Variants in SPTB observed in about 807,000 individuals in gnomAD.
The protein encoded by SPTB is spectrin beta, erythrocytic.
In SPTB, 45 loss-of-function variants were observed where a neutral mutation model predicts 256.2. That is an observed-to-expected ratio of 0.18 (90% CI 0.14 to 0.23). The LOEUF (loss-of-function observed/expected upper bound fraction) is 0.23. Among genes scored for constraint, SPTB ranks in the 10% least tolerant of loss-of-function variants. The probability of loss-of-function intolerance (pLI) is 1.00; values close to 1 mark genes in which losing one functional copy is unlikely to be tolerated. For synonymous variants in SPTB, 1,231 were observed against 1,243.1 expected, an observed-to-expected ratio of 0.99 and a Z score of 0.21; for missense variants, 2,715 against 3,040.4, an observed-to-expected ratio of 0.89 and a Z score of 2.52.
chr14:64,753,946 C>T, intron 32 of SPTB, 153 bp from the exon 33 acceptor site: 4 of 976,224 alleles, frequency 4.1e-6, no homozygotes, highest in Non-Finnish European at 6.3e-6. Flanking sequence ...CTGGCTCTCC[C>T]ACAACCTGCT....
At chr14:64,874,448 TC>T (rs1293361510) in intron 1 of SPTB, among the ~76,000 whole-genome samples, 1 of 152,246 alleles carries the variant, frequency 6.6e-6, no homozygotes, top group Non-Finnish European at 1.5e-5. Context: ...CAATGTCTGC[TC>T]TTTTTGAATA....
At chr14:64,839,889 T>G (rs1307436076) in intron 1 of SPTB, among the ~76,000 whole-genome samples, 1 of 152,158 alleles carries the variant, frequency 6.6e-6, no homozygotes, top group Non-Finnish European at 1.5e-5. Flanking sequence ...GCAGAGAGAA[T>G]ACTTTAAGCT....
At chr14:64,834,477 G>C (rs2083491573) in intron 1 of SPTB, among the ~76,000 whole-genome samples, 1 of 151,324 alleles carries the variant, frequency 6.6e-6, no homozygotes, top group Admixed American at 6.6e-5. Context: ...CCGGGCTGGA[G>C]TGCAGTGGCA....
At chr14:64,854,147 G>A (rs113868539) in intron 1 of SPTB, among the ~76,000 whole-genome samples, 5,047 of 151,582 alleles carry the variant, frequency 0.033, 122 homozygotes, top group South Asian at 0.12. Flanking sequence ...AGCCAAGATC[G>A]TGCCACTGCA....
chr14:64,751,266 C>A (rs1231910058), intron 33 of SPTB, among the ~76,000 whole-genome samples: 5 of 151,804 alleles, frequency 3.3e-5, no homozygotes, highest in Non-Finnish European at 7.4e-5. Flanking sequence ...ACTACAGGCG[C>A]AAGCCACCAC....
intron 20 of SPTB, among the ~76,000 whole-genome samples, chr14:64,780,688 C>T (rs968851403): frequency 1.3e-5 from 2 of 152,232 alleles, no homozygotes; most frequent in African/African-American, 4.8e-5. Context: ...GCTGGGATTA[C>T]AGGCATGAGC....
chr14:64,772,666 C>T lies in SPTB; in HGVS notation c.5467G>A (p.Asp1823Asn), dbSNP rs200508249. The change falls in exon 26 of 36, where the codon GAC (aspartate) becomes AAC (asparagine). Residue 1823 changes from aspartate to asparagine, a missense_variant. Around this residue, in one of 4 missense-constraint regions of SPTB, gnomAD observed 2,239 missense variants for 2,384.4 expected, o/e 0.94. Coordinates refer to ENST00000644917, the MANE Select transcript of SPTB (RefSeq NM_001355436.2). This position sits in a 1 kb window ranked among gnomAD's most constrained non-coding sequence, Gnocchi z 5.4. ...IDEKHRELPE[D>N]VGLDASTAES... ...GCCGTGCTGGCGTCCAGCCCCACGT[C>T]CTCGGGCAGCTCGCGGTGCTTCTCG... The T allele has an allele frequency of 8.5e-5, 137 of 1,613,470 alleles. No homozygotes were observed. The highest frequency in any genetic ancestry group is 5.0e-5 in the Admixed American group (3 of 59,992).
chr14:64,820,256 CCAA>C (rs2083264591), intron 2 of SPTB, among the ~76,000 whole-genome samples: 1 of 152,068 alleles, frequency 6.6e-6, no homozygotes, highest in Admixed American at 6.5e-5. Context: ...TAAGGTGGCC[CCAA>C]CAACAGTACT....
chr14:64,857,593 A>C (rs2083894162), intron 1 of SPTB, among the ~76,000 whole-genome samples: 1 of 151,702 alleles, frequency 6.6e-6, no homozygotes, highest in Admixed American at 6.6e-5. Flanking sequence ...AAAAAAAAAA[A>C]AAAAAAAAAA....
intron 22 of SPTB, among the ~76,000 whole-genome samples, chr14:64,776,628 G>A (rs1007286591): frequency 6.6e-6 from 1 of 152,128 alleles, no homozygotes; most frequent in Non-Finnish European, 1.5e-5. Flanking sequence ...TTTTTGTAGA[G>A]ATGGGCTTTT....
intron 15 of SPTB, 128 bp from the exon 16 acceptor site, chr14:64,787,288 G>GAAA: frequency 9.9e-7 from 1 of 1,015,062 alleles, no homozygotes; most frequent in Non-Finnish European, 1.3e-6. Flanking sequence ...ATGATAAAAA[G>GAAA]AAAAAAAAAA....
intron 1 of SPTB, among the ~76,000 whole-genome samples, chr14:64,832,831 A>T (rs1004631299): frequency 2.6e-5 from 4 of 151,768 alleles, no homozygotes; most frequent in Non-Finnish European, 5.9e-5. Context: ...CGCTCCCCAC[A>T]CTTCTGGCCA....
intron 1 of SPTB, among the ~76,000 whole-genome samples, chr14:64,851,005 T>C (rs1183372206): frequency 6.6e-6 from 1 of 152,224 alleles, no homozygotes; most frequent in Admixed American, 6.5e-5. Flanking sequence ...TTTATGAACC[T>C]GACACAACTT....
At chr14:64,863,494 C>T (rs1881978574) in intron 1 of SPTB, among the ~76,000 whole-genome samples, 2 of 152,180 alleles carry the variant, frequency 1.3e-5, no homozygotes, top group African/African-American at 4.8e-5. Context: ...TTGTGTCATG[C>T]TACAAACCTC....
At chr14:64,861,202 G>A (rs1445675878) in intron 1 of SPTB, among the ~76,000 whole-genome samples, 3 of 152,118 alleles carry the variant, frequency 2.0e-5, no homozygotes, top group African/African-American at 7.2e-5. Flanking sequence ...CCTATCGGGG[G>A]TTGGGGGTGA....
chr14:64,796,640 G>C lies in SPTB; in HGVS notation c.1258C>G (p.Leu420Val). 1.9e-6 allele frequency: 3 copies of C among 1,614,212 alleles called. No individual in the cohort carries two copies. The highest frequency in any genetic ancestry group is 2.5e-6 in the Non-Finnish European group (3 of 1,180,046). The change falls in exon 11 of 36, where the codon CTA (leucine) becomes GTA (valine). Residue 420 changes from leucine to valine, a missense_variant. Around this residue, in one of 4 missense-constraint regions of SPTB, gnomAD observed 416 missense variants for 571.1 expected, o/e 0.73. Coordinates refer to ENST00000644917, the MANE Select transcript of SPTB (RefSeq NM_001355436.2). The surrounding 1 kb of genome is among the most constrained non-coding windows in gnomAD (Gnocchi z 4.1). ...LRNELIRQEK[L>V]EQLARRFDRK... ...TCAAAGCGCCGGGCCAGTTGCTCTA[G>C]CTTCTCCTGCCGAATGAGCTCATTT...
At chr14:64,766,861 CG>C in intron 31 of SPTB, 60 bp from the exon 32 acceptor site, 6 of 1,586,338 alleles carry the variant, frequency 3.8e-6, no homozygotes, top group Non-Finnish European at 5.1e-6. Context: ...GTGCCTCCTG[CG>C]AGGCCTGGCT....
chr14:64,801,202 G>A (rs2082878995), intron 7 of SPTB, 83 bp downstream of exon 7: 1 of 1,241,206 alleles, frequency 8.1e-7, no homozygotes, highest in African/African-American at 1.5e-5. Context: ...GCCTCCAGAA[G>A]TCCTGGCGGC....
intron 2 of SPTB, among the ~76,000 whole-genome samples, chr14:64,811,618 T>C (rs1011873167): frequency 1.3e-5 from 2 of 152,228 alleles, no homozygotes; most frequent in Admixed American, 6.5e-5. Context: ...ACTTTAACAA[T>C]GCTTCAACCC....
Sources: allele counts gnomAD v4.1 joint callset (sites outside exome capture counted in the v4.1 genomes callset), GRCh38; gene constraint gnomAD v4.1.1; regional missense constraint gnomAD v4.1.1; non-coding constraint Gnocchi (gnomAD v3.1); transcripts MANE v1.5; gene names NCBI Gene and HGNC (gene_info 2026-07-23, HGNC 2026-07-21).